PTPRN2: variants seen among roughly 807,000 people sequenced by gnomAD.
The protein encoded by PTPRN2 is protein tyrosine phosphatase receptor type N2, also known as receptor-type tyrosine-protein phosphatase N2.
PTPRN2 carries 74 observed loss-of-function variants against 118.8 expected under a neutral mutation model. That is an observed-to-expected ratio of 0.62 (90% CI 0.52 to 0.76). The LOEUF (loss-of-function observed/expected upper bound fraction) is 0.76. PTPRN2 is among the 30% of genes least tolerant of loss of function. The probability of loss-of-function intolerance (pLI) is 0.00; values close to 1 mark genes in which losing one functional copy is unlikely to be tolerated. For missense variants in PTPRN2, 1,481 were observed against 1,394.4 expected, an observed-to-expected ratio of 1.06 and a Z score of -0.99; for synonymous variants, 641 against 608.0, an observed-to-expected ratio of 1.05 and a Z score of -0.80.
rs1802583466 is a variant in PTPRN2 at position 157,767,980 on chromosome 7, C to CA, written c.1789-85044_1789-85043insT. On this transcript the variant is annotated intron_variant, in intron 12 of 22. Coordinates refer to ENST00000389418, the MANE Select transcript of PTPRN2 (RefSeq NM_002847.5). ...CATGGGACGCTTCCATACACGATTC[C>CA]TGCTTATTGCTGACACCGAGCGGTA... Among the ~76,000 whole-genome samples the CA allele has an allele frequency of 5.9e-5, 9 of 152,304 alleles. No individual in the cohort carries two copies. The South Asian group carries it at 1.7e-3, about 28-fold the overall frequency.
At chr7:157,997,448 G>A (rs879459802) in intron 11 of PTPRN2, among the ~76,000 whole-genome samples, 2 of 152,230 alleles carry the variant, frequency 1.3e-5, no homozygotes, top group African/African-American at 4.8e-5. Context: ...GGCGCCTGGA[G>A]CCCAGGTTCC....
chr7:158,258,924 G>A (rs891751654), intron 3 of PTPRN2, among the ~76,000 whole-genome samples: 6 of 152,190 alleles, frequency 3.9e-5, no homozygotes, highest in African/African-American at 1.4e-4. Flanking sequence ...CACCGGCTAG[G>A]AGACGAATGT....
At chr7:157,873,558 G>A (rs1450539257) in intron 12 of PTPRN2, among the ~76,000 whole-genome samples, 1 of 138,570 alleles carries the variant, frequency 7.2e-6, no homozygotes, top group Non-Finnish European at 1.5e-5. Context: ...CGTGGGGGCC[G>A]GGAGGAGAAC....
chr7:157,540,697 G>A lies in PTPRN2; in HGVS notation c.*17C>T. 1 of 1,534,946 alleles carries A rather than the reference G, an allele frequency of 6.5e-7. No individual in the cohort carries two copies. The highest frequency in any genetic ancestry group is 8.8e-7 in the Non-Finnish European group (1 of 1,130,938). On this transcript the variant is annotated 3_prime_UTR_variant, in exon 23 of 23. Coordinates refer to ENST00000389418, the MANE Select transcript of PTPRN2 (RefSeq NM_002847.5). ...TCCGTGGGGTGGGGGCTCCCCTGAG[G>A]CCCCTGAGGCTGCCGCTCACTGGGG...
chr7:157,767,264 A>C (rs1363525419), intron 12 of PTPRN2, among the ~76,000 whole-genome samples: 2 of 152,134 alleles, frequency 1.3e-5, no homozygotes, highest in East Asian at 1.9e-4. Flanking sequence ...CTTGTACCAG[A>C]TTTATCCTTG....
rs11977287 is a variant in PTPRN2 at position 157,799,383 on chromosome 7, C to G, written c.1788+99290G>C. Among the ~76,000 whole-genome samples, 1,223 of 152,278 alleles carry G rather than the reference C, an allele frequency of 8.0e-3. 17 individuals carry two copies. The highest frequency in any genetic ancestry group is 0.028 in the African/African-American group (1,169 of 41,540). ...TCTCTTGCCGTGAGACCTCCCCACG[C>G]TGAACGTGTGTTCCTCTAGCCACTT... On this transcript the variant is annotated intron_variant, in intron 12 of 22. Transcript: ENST00000389418.
chr7:157,581,907 C>T (rs1025514309), intron 17 of PTPRN2, among the ~76,000 whole-genome samples: 2 of 152,198 alleles, frequency 1.3e-5, no homozygotes, highest in Admixed American at 6.5e-5. Context: ...AGAGCGGCCA[C>T]GCGCAGACAG....
chr7:158,259,528 G>A (rs1797249512), intron 3 of PTPRN2, among the ~76,000 whole-genome samples: 1 of 152,208 alleles, frequency 6.6e-6, no homozygotes, highest in African/African-American at 2.4e-5. Context: ...ATGTTCCTTG[G>A]GAAATTAGAG....
Position 157,540,709 on chromosome 7 carries a change from G to GC in PTPRN2, c.*4dup. 6.4e-7 allele frequency: 1 copy of GC among 1,554,884 alleles called. No homozygotes were observed. Among genetic ancestry groups the GC allele is most frequent in the Non-Finnish European group, 8.7e-7 (1 of 1,147,292 alleles). On this transcript the variant is annotated 3_prime_UTR_variant, in exon 23 of 23. Coordinates refer to ENST00000389418, the MANE Select transcript of PTPRN2 (RefSeq NM_002847.5). The stretch of plus-strand genomic sequence containing the variant: ...GGGCTCCCCTGAGGCCCCTGAGGCT[G>GC]CCGCTCACTGGGGAAGGGCCTTGAG...
intron 21 of PTPRN2, among the ~76,000 whole-genome samples, chr7:157,557,137 ACT>A (rs1468475289): frequency 6.7e-6 from 1 of 148,390 alleles, no homozygotes; most frequent in Non-Finnish European, 1.5e-5. Flanking sequence ...GCACACCCAC[ACT>A]CATATATACT....
intron 2 of PTPRN2, among the ~76,000 whole-genome samples, chr7:158,362,416 T>C (rs1809063355): frequency 6.6e-6 from 1 of 152,224 alleles, no homozygotes; most frequent in South Asian, 2.1e-4. Flanking sequence ...TTTGACTTTA[T>C]TTGTAATTAA....
At chr7:158,458,219 C>T (rs906374864) in intron 2 of PTPRN2, among the ~76,000 whole-genome samples, 3 of 152,134 alleles carry the variant, frequency 2.0e-5, no homozygotes, top group African/African-American at 7.2e-5. Flanking sequence ...CCACAGCAAA[C>T]GTTATTTCCC....
chr7:158,383,380 C>A (rs931298534), intron 2 of PTPRN2, among the ~76,000 whole-genome samples: 2 of 152,094 alleles, frequency 1.3e-5, no homozygotes. Context: ...TAATATCATC[C>A]CTATAAACAA....
At chr7:157,580,503 C>T (rs1304651640) in intron 17 of PTPRN2, among the ~76,000 whole-genome samples, 7 of 148,526 alleles carry the variant, frequency 4.7e-5, no homozygotes, top group African/African-American at 1.2e-4. Flanking sequence ...ACCTGCACAC[C>T]GTGGCACCTG....
intron 21 of PTPRN2, among the ~76,000 whole-genome samples, chr7:157,565,450 A>G (rs221291): frequency 0.98 from 149,029 of 152,372 alleles, 72,897 homozygotes; most frequent in East Asian, 1. Flanking sequence ...GGGATCATAC[A>G]GTGTCTGCTT....
At chr7:158,411,476 C>A (rs1239256293) in intron 2 of PTPRN2, among the ~76,000 whole-genome samples, 1 of 152,180 alleles carries the variant, frequency 6.6e-6, no homozygotes, top group African/African-American at 2.4e-5. Context: ...CTGGTCCCCC[C>A]AGCACTCACG....
intron 2 of PTPRN2, among the ~76,000 whole-genome samples, chr7:158,333,293 G>C (rs539171109): frequency 7.6e-6 from 1 of 130,934 alleles, no homozygotes; most frequent in Non-Finnish European, 1.6e-5. Context: ...CTCACCATAA[G>C]AGGTGACATC....
At chr7:158,137,348 C>A (rs1310656512) in intron 7 of PTPRN2, among the ~76,000 whole-genome samples, 6 of 152,126 alleles carry the variant, frequency 3.9e-5, no homozygotes, top group Non-Finnish European at 8.8e-5. Context: ...ACCCGGCAGG[C>A]AAAGTTTGCA....
At position 158,126,547 on chromosome 7, in the gene PTPRN2, G is replaced by A. The variant is rs543523999; in HGVS notation, c.1556+7130C>T. Among the ~76,000 whole-genome samples the A allele has an allele frequency of 3.2e-3, 220 of 68,560 alleles. 3 individuals carry two copies. The highest frequency in any genetic ancestry group is 6.5e-3 in the Admixed American group (47 of 7,236). 45.0% of individuals were successfully genotyped at this position (68,560 alleles called of 152,430 possible). A position where few individuals can be genotyped will look rare whatever the true frequency, so the allele number is the denominator to read the frequency against. On this transcript the variant is annotated intron_variant, in intron 9 of 22. Coordinates refer to ENST00000389418, the MANE Select transcript of PTPRN2 (RefSeq NM_002847.5). ...CCACACCAGCCCCCGGAGAGCGGGC[G>A]GCGGAACTTCCTCTCCGCCACACCA...
Sources: gnomAD v4.1 joint callset for allele counts (sites outside exome capture counted in the v4.1 genomes callset) on GRCh38, gnomAD v4.1.1 for gene constraint, MANE v1.5 for transcripts, NCBI Gene and HGNC (gene_info 2026-07-23, HGNC 2026-07-21) for gene names.